The following PDS5A variants were observed in gnomAD, a reference collection of about 807,000 sequenced individuals.
The protein encoded by PDS5A is sister chromatid cohesion protein PDS5 homolog A.
Under a neutral mutation model 167.1 loss-of-function variants are expected in PDS5A, and 42 were observed. The ratio of observed to expected loss-of-function variants is 0.25; its 90% CI spans 0.20 to 0.33. The LOEUF is 0.33. PDS5A is among the 10% of genes least tolerant of loss of function. The pLI is 1.00. For missense variants in PDS5A, 1,033 were observed against 1,605.9 expected (o/e 0.64, Z 6.10); for synonymous variants, 553 against 554.6 (o/e 1.00, Z 0.04).
intron 2 of PDS5A, chr4:39,974,193 G>A (rs1007751524): frequency 1.7e-6 from 1 of 574,868 alleles, no homozygotes; most frequent in East Asian, 4.7e-5. Flanking sequence ...AGTCCTCGCT[G>A]GACTGCTCAG....
At chr4:39,901,142 T>C (rs1722842667) in intron 13 of PDS5A, among the ~76,000 whole-genome samples, 2 of 152,190 alleles carry the variant, frequency 1.3e-5, no homozygotes, top group Admixed American at 1.3e-4. Context: ...AAACACTCTT[T>C]GTCAGATATT....
intron 2 of PDS5A, among the ~76,000 whole-genome samples, chr4:39,932,041 C>T (rs1388099430): frequency 2.0e-5 from 3 of 151,984 alleles, no homozygotes; most frequent in Admixed American, 6.6e-5. Flanking sequence ...TACAGGCACT[C>T]GCCACCAAGT....
chr4:39,844,504 A>C (rs201412725), intron 30 of PDS5A, among the ~76,000 whole-genome samples, 152 bp downstream of exon 30: 9 of 151,556 alleles, frequency 5.9e-5, no homozygotes, highest in African/African-American at 9.7e-5. Flanking sequence ...ACAAAAAAAA[A>C]CCCAGAAAAG....
At chr4:39,914,491 C>T (rs1405972436) in intron 8 of PDS5A, among the ~76,000 whole-genome samples, 1 of 151,820 alleles carries the variant, frequency 6.6e-6, no homozygotes, top group Non-Finnish European at 1.5e-5. Context: ...GGATCCCCTA[C>T]GACTGGAGAA....
In PDS5A at chr4:39,863,223, ATAG is replaced by A. The variant is rs1719146989; in HGVS notation, c.2766+110_2766+112del. ...TTGGAAGACAGTTAAACAGGTAATA[ATAG>A]TAGTGACTTTTGTGCATATATTCAC... is the stretch of plus-strand genomic sequence containing the variant. On this transcript the variant is annotated intron_variant, in intron 24 of 32. Coordinates refer to ENST00000303538, the MANE Select transcript of PDS5A (RefSeq NM_001100399.2). The A allele has an allele frequency of 1.3e-5, 12 of 926,112 alleles. No individual in the cohort carries two copies. In the South Asian group the frequency reaches 1.7e-4, roughly 13 times the overall value. The allele number at this position is 926,112 out of a possible 1,614,324, so 57.4% of individuals were successfully genotyped here. A position where few individuals can be genotyped will look rare whatever the true frequency, so the allele number is the denominator to read the frequency against.
At chr4:39,862,818 T>C in intron 25 of PDS5A, 51 bp downstream of exon 25, 1 of 1,179,420 alleles carries the variant, frequency 8.5e-7, no homozygotes, top group African/African-American at 1.5e-5. Context: ...AACCTAAAAA[T>C]GGATACATTG....
Position 39,957,561 on chromosome 4 carries a change from G to A in PDS5A, c.138+18879C>T, listed in dbSNP as rs370560979. 2.2e-4 allele frequency among the ~76,000 whole-genome samples: 33 copies of A among 152,080 alleles called. No individual in the cohort carries two copies. In the East Asian group the frequency reaches 2.7e-3, roughly 12 times the overall value. ...AGCACTTTGGGAGGCCAAAGAGGGC[G>A]GACCACGAGGTCAGGAGATGGAGAC... On this transcript the variant is annotated intron_variant, in intron 2 of 32. Coordinates refer to ENST00000303538, the MANE Select transcript of PDS5A (RefSeq NM_001100399.2).
intron 2 of PDS5A, chr4:39,973,651 G>T: frequency 2.3e-6 from 3 of 1,314,868 alleles, no homozygotes; most frequent in Non-Finnish European, 3.3e-6. Context: ...CGGTAGAACT[G>T]TGGCCACAAA....
At chr4:39,920,560 C>G (rs978696271) in intron 6 of PDS5A, among the ~76,000 whole-genome samples, 161 bp from the exon 7 acceptor site, 16 of 152,140 alleles carry the variant, frequency 1.1e-4, no homozygotes, top group African/African-American at 3.1e-4. Context: ...CAAGGTTTTG[C>G]CAAATATCCT....
chr4:39,918,551 A>G (rs1323937925), intron 7 of PDS5A, among the ~76,000 whole-genome samples: 1 of 152,172 alleles, frequency 6.6e-6, no homozygotes, highest in African/African-American at 2.4e-5. Flanking sequence ...GCATGAATTA[A>G]GTTAGAAAAT....
chr4:39,893,019 T>C (rs1342838967), intron 16 of PDS5A, among the ~76,000 whole-genome samples: 1 of 152,190 alleles, frequency 6.6e-6, no homozygotes, highest in Non-Finnish European at 1.5e-5. Context: ...AGAAAATGAA[T>C]AAGGAGGCTT....
intron 5 of PDS5A, among the ~76,000 whole-genome samples, chr4:39,924,705 A>G (rs978064912): frequency 6.6e-6 from 1 of 152,232 alleles, no homozygotes; most frequent in East Asian, 1.9e-4. Context: ...TATGAATTTC[A>G]CTTGTTTTTA....
intron 26 of PDS5A, among the ~76,000 whole-genome samples, chr4:39,851,494 T>A (rs538480434): frequency 1.3e-5 from 2 of 152,164 alleles, no homozygotes; most frequent in Non-Finnish European, 2.9e-5. Flanking sequence ...TTCGCCAGGT[T>A]GCCGACTGGT....
chr4:39,882,915 T>A (rs532369520), intron 17 of PDS5A, among the ~76,000 whole-genome samples: 2 of 152,152 alleles, frequency 1.3e-5, no homozygotes, highest in African/African-American at 4.8e-5. Context: ...CTGTTACAAA[T>A]CTTCACCATT....
chr4:39,844,587 G>C (rs1717408374), intron 30 of PDS5A, 69 bp downstream of exon 30: 2 of 1,182,272 alleles, frequency 1.7e-6, no homozygotes, highest in Admixed American at 4.5e-5. Context: ...TTATGAGACA[G>C]CACTTTAGGA....
intron 8 of PDS5A, among the ~76,000 whole-genome samples, chr4:39,916,259 A>C (rs1243444123): frequency 6.6e-6 from 1 of 152,164 alleles, no homozygotes; most frequent in Non-Finnish European, 1.5e-5. Flanking sequence ...AGTTCAAGGC[A>C]GTATTAAACT....
chr4:39,869,478 T>C lies in PDS5A; in HGVS notation c.2437-16A>G. ...CACCTGTTGACTATAGACAATTGAATAAATTTAGCTATTAGCATGAAAAAA... is the reference window on the plus strand; with the variant it reads ...CACCTGTTGACTATAGACAATTGAACAAATTTAGCTATTAGCATGAAAAAA... On this transcript the variant is annotated splice_polypyrimidine_tract_variant and intron_variant, in intron 21 of 32. Transcript: ENST00000303538. The C allele has an allele frequency of 6.6e-7, 1 of 1,505,852 alleles. No individual in the cohort carries two copies. Among genetic ancestry groups the C allele is most frequent in the Non-Finnish European group, 9.2e-7 (1 of 1,088,666 alleles). The allele number at this position is 1,505,852 out of a possible 1,614,324, so 93.3% of individuals were successfully genotyped here. A position where few individuals can be genotyped will look rare whatever the true frequency, so the allele number is the denominator to read the frequency against.
chr4:39,965,057 C>T (rs975406661), intron 2 of PDS5A, among the ~76,000 whole-genome samples: 2 of 152,176 alleles, frequency 1.3e-5, no homozygotes, highest in Non-Finnish European at 2.9e-5. Flanking sequence ...TTCTTTCCTG[C>T]TTCTATTGAG....
intron 2 of PDS5A, among the ~76,000 whole-genome samples, chr4:39,936,134 G>C (rs1402816593): frequency 6.6e-6 from 1 of 152,186 alleles, no homozygotes; most frequent in Non-Finnish European, 1.5e-5. Flanking sequence ...TAATTGAAGT[G>C]ATGGTTTCAA....
Sources: gnomAD v4.1 joint callset for allele counts (sites outside exome capture counted in the v4.1 genomes callset) on GRCh38, gnomAD v4.1.1 for gene constraint, MANE v1.5 for transcripts, NCBI Gene and HGNC (gene_info 2026-07-23, HGNC 2026-07-21) for gene names.